Variants in DUS2 observed in about 807,000 individuals in gnomAD.
The protein encoded by DUS2 is tRNA-dihydrouridine(20) synthase [NAD(P)+]-like.
DUS2 carries 52 observed loss-of-function variants against 71.3 expected under a neutral mutation model. That is an observed-to-expected ratio of 0.73 (90% CI 0.58 to 0.92). The LOEUF is 0.92. Ranked by LOEUF, DUS2 falls within the 40% of genes least tolerant of loss-of-function variation. The probability of loss-of-function intolerance (pLI) is 0.00; values close to 1 mark genes in which losing one functional copy is unlikely to be tolerated. For synonymous variants in DUS2, 204 were observed against 227.8 expected (o/e 0.90, Z 0.94); for missense variants, 558 against 622.6 (o/e 0.90, Z 1.10).
rs751013754 is a variant in DUS2, at chr16:68,076,712, A to G, written c.1163A>G (p.Tyr388Cys). 2 of 1,613,738 alleles carry G rather than the reference A, an allele frequency of 1.2e-6. No homozygotes were observed. Among genetic ancestry groups the G allele is most frequent in the East Asian group, 4.5e-5 (2 of 44,868 alleles). ...CRREKLAQPV[Y>C]ETVQRPLDRL... ...AGGGAGAAGTTGGCACAGCCTGTGT[A>G]TGAAACGGTGAGTTCCTGGCTGTGG... The change falls in exon 15 of 17, where the codon TAT becomes TGT. Residue 388 changes from tyrosine to cysteine, a missense_variant. Physicochemically the swap from Tyr to Cys is radical, Grantham distance 194. Coordinates refer to ENST00000565263, the MANE Select transcript of DUS2 (RefSeq NM_017803.5).
intron 4 of DUS2, among the ~76,000 whole-genome samples, chr16:68,050,923 C>A (rs1391402621): frequency 1.3e-5 from 2 of 152,226 alleles, no homozygotes; most frequent in Admixed American, 6.5e-5. Flanking sequence ...TACTGCCAGT[C>A]ATGAGCTGTC....
intron 2 of DUS2, among the ~76,000 whole-genome samples, chr16:68,035,173 T>A (rs1030128615): frequency 6.6e-6 from 1 of 152,158 alleles, no homozygotes; most frequent in Non-Finnish European, 1.5e-5. Context: ...TCATCTTTCA[T>A]GTTGATTACA....
intron 14 of DUS2, among the ~76,000 whole-genome samples, chr16:68,076,321 A>T (rs2034155845): frequency 6.6e-6 from 1 of 152,004 alleles, no homozygotes; most frequent in African/African-American, 2.4e-5. Context: ...TTGAGTGGCA[A>T]GCTTCCTTCT....
At chr16:68,046,174 T>C (rs188701487) in intron 3 of DUS2, among the ~76,000 whole-genome samples, 20 of 152,330 alleles carry the variant, frequency 1.3e-4, no homozygotes, top group Non-Finnish European at 2.5e-4. Context: ...CCCAATAGGA[T>C]CTTTTTTAGC....
intron 10 of DUS2, among the ~76,000 whole-genome samples, chr16:68,067,411 A>G (rs1382186007): frequency 6.9e-6 from 1 of 144,764 alleles, no homozygotes; most frequent in Non-Finnish European, 1.5e-5. Flanking sequence ...CCTCCCGAGT[A>G]GCTGAGATTA....
intron 13 of DUS2, among the ~76,000 whole-genome samples, chr16:68,074,628 C>T (rs889596264): frequency 6.6e-6 from 1 of 152,230 alleles, no homozygotes; most frequent in African/African-American, 2.4e-5. Context: ...CCCCACAGCT[C>T]CCTGTCTACC....
At chr16:68,045,256 G>C (rs1181381147) in intron 3 of DUS2, among the ~76,000 whole-genome samples, 1 of 151,878 alleles carries the variant, frequency 6.6e-6, no homozygotes, top group African/African-American at 2.4e-5. Flanking sequence ...GTCTCTCTCT[G>C]TCTCTCCTGT....
chr16:68,028,096 G>A (rs778129643), intron 2 of DUS2, among the ~76,000 whole-genome samples: 12 of 152,114 alleles, frequency 7.9e-5, no homozygotes, highest in African/African-American at 2.9e-4. Flanking sequence ...CATGTTTTGC[G>A]TATCATATCT....
chr16:68,049,782 A>C (rs1473367808), intron 4 of DUS2, among the ~76,000 whole-genome samples: 3 of 152,222 alleles, frequency 2.0e-5, no homozygotes, highest in Non-Finnish European at 2.9e-5. Context: ...AGAAATCACC[A>C]TGCATCATAG....
chr16:68,061,751 C>T lies in DUS2; in HGVS notation c.417+638C>T, dbSNP rs148355995. 1.0e-3 allele frequency among the ~76,000 whole-genome samples: 155 copies of T among 152,318 alleles called. 1 individual carries two copies. The highest frequency in any genetic ancestry group is 3.2e-3 in the African/African-American group (134 of 41,576). ...CTTTGTTTTCCTTTTCATTCTCTATCGCTACTTCCCTGTCTGGGCTTTAAG... is the reference window on the plus strand; with the variant it reads ...CTTTGTTTTCCTTTTCATTCTCTATTGCTACTTCCCTGTCTGGGCTTTAAG... On this transcript the variant is annotated intron_variant, in intron 8 of 16. Coordinates refer to ENST00000565263, the MANE Select transcript of DUS2 (RefSeq NM_017803.5).
At chr16:68,041,623 G>A (rs1325628590) in intron 3 of DUS2, among the ~76,000 whole-genome samples, 1 of 151,946 alleles carries the variant, frequency 6.6e-6, no homozygotes, top group Admixed American at 6.6e-5. Context: ...GACTAGCCTG[G>A]CCAGCATGGT....
At chr16:68,078,316 T>A (rs1367761943) in intron 15 of DUS2, 129 bp from the exon 16 acceptor site, 1 of 837,770 alleles carries the variant, frequency 1.2e-6, no homozygotes, top group African/African-American at 1.7e-5. Flanking sequence ...GAGGAGCATG[T>A]GATACAGGCA....
At chr16:68,043,454 G>A (rs942191148) in intron 3 of DUS2, among the ~76,000 whole-genome samples, 3 of 151,252 alleles carry the variant, frequency 2.0e-5, no homozygotes, top group Non-Finnish European at 4.4e-5. Context: ...GTGAGCCACC[G>A]TGCCTGGCTC....
intron 2 of DUS2, among the ~76,000 whole-genome samples, chr16:68,036,091 G>C (rs1194917141): frequency 6.6e-6 from 1 of 151,092 alleles, no homozygotes; most frequent in African/African-American, 2.4e-5. Context: ...CCACCTCCTG[G>C]GTTCAAGCAA....
intron 14 of DUS2, 95 bp from the exon 15 acceptor site, chr16:68,076,536 AT>A: frequency 1.1e-6 from 1 of 903,368 alleles, no homozygotes; most frequent in Non-Finnish European, 1.8e-6. Flanking sequence ...AGTTCCTCTC[AT>A]TTCTGCAGCT....
chr16:68,054,751 T>C, intron 6 of DUS2, 134 bp downstream of exon 6: 1 of 1,118,174 alleles, frequency 8.9e-7, no homozygotes, highest in Middle Eastern at 2.0e-4. Context: ...AGGTTAAGAG[T>C]GCCTGGTTTC....
At chr16:68,068,286 A>G (rs1477596367) in intron 10 of DUS2, among the ~76,000 whole-genome samples, 1 of 152,214 alleles carries the variant, frequency 6.6e-6, no homozygotes, top group Non-Finnish European at 1.5e-5. Context: ...CTCCCTTCAT[A>G]CAAAGCAGAG....
intron 3 of DUS2, among the ~76,000 whole-genome samples, chr16:68,038,850 A>G (rs1260820511): frequency 6.6e-6 from 1 of 151,508 alleles, no homozygotes; most frequent in Non-Finnish European, 1.5e-5. Context: ...GGAGTTTGAG[A>G]CCAGCCTGGG....
At chr16:68,056,516 G>A in intron 7 of DUS2, 92 bp downstream of exon 7, 1 of 1,056,890 alleles carries the variant, frequency 9.5e-7, no homozygotes, top group Non-Finnish European at 1.4e-6. Flanking sequence ...ACTCTGGACT[G>A]GATTCTGTAC....
Sources: allele counts gnomAD v4.1 joint callset (sites outside exome capture counted in the v4.1 genomes callset), GRCh38; gene constraint gnomAD v4.1.1; transcripts MANE v1.5; gene names NCBI Gene and HGNC (gene_info 2026-07-23, HGNC 2026-07-21).